Variants in LRP1B observed in about 807,000 individuals in gnomAD.
LRP1B encodes low-density lipoprotein receptor-related protein 1B.
A neutral mutation model predicts 556.6 loss-of-function variants in LRP1B; 217 were observed. That is an observed-to-expected ratio of 0.39 (90% CI 0.35 to 0.44). LRP1B has a LOEUF of 0.44. Among genes scored for constraint, LRP1B ranks in the 20% least tolerant of loss-of-function variants. The pLI is 1.00. For synonymous variants in LRP1B, 2,047 were observed against 1,865.8 expected (o/e 1.10, Z -2.50); for missense variants, 5,053 against 5,620.8 (o/e 0.90, Z 3.23).
chr2:141,463,587 T>TA (rs1682019664), intron 3 of LRP1B, among the ~76,000 whole-genome samples: 1 of 99,074 alleles, frequency 1.0e-5, no homozygotes, highest in Admixed American at 1.2e-4. Flanking sequence ...TATAATTATA[T>TA]ATAATATATA....
chr2:140,736,073 A>T (rs1328160955), intron 35 of LRP1B, among the ~76,000 whole-genome samples: 2 of 152,162 alleles, frequency 1.3e-5, no homozygotes, highest in East Asian at 3.9e-4. Context: ...ACATGGAGAA[A>T]CTATGCCTTT....
At chr2:141,773,364 G>A (rs1297177298) in intron 2 of LRP1B, among the ~76,000 whole-genome samples, 2 of 152,176 alleles carry the variant, frequency 1.3e-5, no homozygotes, top group Non-Finnish European at 2.9e-5. Context: ...GATTTACTTA[G>A]CCTATCAAAA....
chr2:140,424,782 G>T (rs72898269), intron 66 of LRP1B, among the ~76,000 whole-genome samples: 21,340 of 152,112 alleles, frequency 0.14, 1,857 homozygotes, highest in African/African-American at 0.25. Context: ...GAAGGGCTCA[G>T]GAGGAAGTTT....
At chr2:141,477,125 AAAAC>A (rs141603766) in intron 3 of LRP1B, among the ~76,000 whole-genome samples, 67,150 of 112,556 alleles carry the variant, frequency 0.6, 15,218 homozygotes, top group East Asian at 0.73. Context: ...TCCGTCTCAA[AAAAC>A]AAACAAACAA....
chr2:140,270,396 A>T, intron 85 of LRP1B, 50 bp from the exon 86 acceptor site: 2 of 1,162,780 alleles, frequency 1.7e-6, no homozygotes, highest in Non-Finnish European at 2.6e-6. Context: ...TGGCAACATT[A>T]TTGCTGAAAG....
At chr2:140,381,363 C>T (rs1006764940) in intron 67 of LRP1B, among the ~76,000 whole-genome samples, 3 of 152,076 alleles carry the variant, frequency 2.0e-5, no homozygotes, top group African/African-American at 4.8e-5. Flanking sequence ...CATTCTCCCC[C>T]GTATTTCCAA....
chr2:141,536,989 G>T (rs1313965297), intron 2 of LRP1B, among the ~76,000 whole-genome samples: 1 of 151,438 alleles, frequency 6.6e-6, no homozygotes, highest in East Asian at 1.9e-4. Context: ...TTGAGGAAAT[G>T]ATAAATGAGA....
At chr2:140,307,748 G>A (rs1299346637) in intron 83 of LRP1B, among the ~76,000 whole-genome samples, 1 of 151,586 alleles carries the variant, frequency 6.6e-6, no homozygotes, top group Non-Finnish European at 1.5e-5. Context: ...CTTTGATATG[G>A]GCAGATAGTG....
chr2:141,331,289 G>A (rs1476755116), intron 3 of LRP1B, among the ~76,000 whole-genome samples: 2 of 152,176 alleles, frequency 1.3e-5, no homozygotes, highest in East Asian at 3.9e-4. Context: ...CTGGTAAGGA[G>A]ACAATGAGCT....
At chr2:140,238,509 A>C (rs149185083) in intron 88 of LRP1B, among the ~76,000 whole-genome samples, 80 of 151,080 alleles carry the variant, frequency 5.3e-4, no homozygotes, top group Non-Finnish European at 7.9e-4. Context: ...AATACCTCCT[A>C]AATAGCCGAA....
At chr2:140,706,658 T>C (rs1371687762) in intron 37 of LRP1B, among the ~76,000 whole-genome samples, 1 of 152,094 alleles carries the variant, frequency 6.6e-6, no homozygotes, top group African/African-American at 2.4e-5. Context: ...TTCCAACTGA[T>C]TATTGACATT....
chr2:140,616,110 A>G (rs1683247996), intron 41 of LRP1B, among the ~76,000 whole-genome samples: 1 of 151,892 alleles, frequency 6.6e-6, no homozygotes, highest in African/African-American at 2.4e-5. Context: ...AGTTACTAAA[A>G]AAAAAAGTTA....
chr2:141,120,102 C>T (rs185503984), intron 7 of LRP1B, among the ~76,000 whole-genome samples: 1 of 151,920 alleles, frequency 6.6e-6, no homozygotes, highest in East Asian at 1.9e-4. Flanking sequence ...GACAGAGGTT[C>T]TAGGAGGAAG....
intron 41 of LRP1B, among the ~76,000 whole-genome samples, chr2:140,688,445 A>C (rs1371914383): frequency 6.8e-6 from 1 of 146,668 alleles, no homozygotes; most frequent in Non-Finnish European, 1.5e-5. Context: ...ATTGGTTTTC[A>C]AGGAATATAA....
rs149993398 is a variant in LRP1B at position 141,458,340 on chromosome 2, C to T, written c.343+22056G>A. On this transcript the variant is annotated intron_variant, in intron 3 of 90. Transcript: ENST00000389484. ...TACTTAGGACTGTTTGGGTCATCAT[C>T]GCCTGGGCAGGGACAGAGCATTCAA... Among the ~76,000 whole-genome samples, 1,004 of 152,276 alleles carry T rather than the reference C, an allele frequency of 6.6e-3. 13 individuals carry two copies. Among genetic ancestry groups the T allele is most frequent in the African/African-American group, 0.023 (969 of 41,544 alleles).
At chr2:141,676,862 C>A (rs1311775733) in intron 2 of LRP1B, among the ~76,000 whole-genome samples, 2 of 152,034 alleles carry the variant, frequency 1.3e-5, no homozygotes, top group South Asian at 2.1e-4. Context: ...CAGCAATTTA[C>A]TGAATAAATA....
chr2:141,428,252 C>T (rs1680441907), intron 3 of LRP1B, among the ~76,000 whole-genome samples: 1 of 152,018 alleles, frequency 6.6e-6, no homozygotes, highest in African/African-American at 2.4e-5. Flanking sequence ...ATGAGTGATT[C>T]CTGCAGTATG....
chr2:141,489,614 C>T (rs1056115917), intron 2 of LRP1B, among the ~76,000 whole-genome samples: 3 of 151,896 alleles, frequency 2.0e-5, no homozygotes, highest in Non-Finnish European at 2.9e-5. Context: ...AATATCTTTA[C>T]AGAAGCAATA....
chr2:140,786,575 T>G (rs966586803), intron 32 of LRP1B, among the ~76,000 whole-genome samples: 1 of 152,214 alleles, frequency 6.6e-6, no homozygotes, highest in Admixed American at 6.5e-5. Context: ...AGTGACAGAA[T>G]AGAAGTCTCT....
Sources: allele counts gnomAD v4.1 joint callset (sites outside exome capture counted in the v4.1 genomes callset), GRCh38; gene constraint gnomAD v4.1.1; transcripts MANE v1.5; gene names NCBI Gene and HGNC (gene_info 2026-07-23, HGNC 2026-07-21).